PHC2: variants seen among roughly 807,000 people sequenced by gnomAD.
The protein encoded by PHC2 is polyhomeotic-like protein 2.
Under a neutral mutation model 87.4 loss-of-function variants are expected in PHC2, and 29 were observed. That is an observed-to-expected ratio of 0.33 (90% CI 0.25 to 0.45). The LOEUF is 0.45. PHC2 is among the 20% of genes least tolerant of loss of function. The pLI, the probability that PHC2 is intolerant of heterozygous loss-of-function variation, is 1.00. For missense variants in PHC2, 857 were observed against 1,136.7 expected (o/e 0.75, Z 3.54); for synonymous variants, 438 against 461.7 (o/e 0.95, Z 0.66).
chr1:33,364,370 ACACACACACACACTTGCTTT>A lies in PHC2; in HGVS notation c.976+2726_976+2745del, dbSNP rs955991560. Among the ~76,000 whole-genome samples the A allele has an allele frequency of 5.5e-5, 8 of 144,662 alleles. No individual in the cohort carries two copies. Among genetic ancestry groups the A allele is most frequent in the Admixed American group, 2.1e-4 (3 of 14,288 alleles). The allele number at this position is 144,662 out of a possible 152,430, so 94.9% of individuals were successfully genotyped here. A position where few individuals can be genotyped will look rare whatever the true frequency, so the allele number is the denominator to read the frequency against. ...CTTTCTCTCTCCCAGACACACACACACACACACACACACTTGCTTTCACACACACACACACACACACACAC... is the reference window on the plus strand; with the variant it reads ...CTTTCTCTCTCCCAGACACACACACACACACACACACACACACACACACAC... On this transcript the variant is annotated intron_variant, in intron 7 of 14. Transcript: ENST00000683057. This position sits in a 1 kb window ranked among gnomAD's most constrained non-coding sequence, Gnocchi z 4.1.
At chr1:33,335,577 A>C (rs948837100) in intron 9 of PHC2, among the ~76,000 whole-genome samples, 1 of 152,244 alleles carries the variant, frequency 6.6e-6, no homozygotes, top group African/African-American at 2.4e-5. Context: ...ATTATATAGT[A>C]TGGAAAAGTC....
Position 33,367,288 on chromosome 1 carries a change from G to T in PHC2, c.804C>A (p.Ser268Arg), listed in dbSNP as rs1456981308. 1.2e-6 allele frequency: 2 copies of T among 1,614,184 alleles called. No homozygotes were observed. The highest frequency in any genetic ancestry group is 1.1e-5 in the South Asian group (1 of 91,076). The change falls in exon 7 of 15, where the codon AGC (serine) becomes AGA (arginine). Residue 268 changes from serine (S) to arginine (R), a missense_variant. Transcript: ENST00000683057. ...CAGGGGAAGCCTGAGCAGTATTTCT[G>T]CTCTGTGCTGGGGTAGGCAGAGGCT... ...GSQPLPTPAQ[S>R]RNTAQASPAG...
chr1:33,430,289 C>T (rs886436816), intron 1 of PHC2, among the ~76,000 whole-genome samples: 2 of 152,234 alleles, frequency 1.3e-5, no homozygotes, highest in African/African-American at 4.8e-5. Context: ...AAGGGACCAG[C>T]GCCTTTCTAG....
At chr1:33,430,461 G>T (rs1650862933) in intron 1 of PHC2, among the ~76,000 whole-genome samples, 1 of 152,156 alleles carries the variant, frequency 6.6e-6, no homozygotes, top group Non-Finnish European at 1.5e-5. Flanking sequence ...CGCGGCTGGG[G>T]AGCGGGCGCC....
At chr1:33,367,526 A>G in intron 6 of PHC2, 98 bp from the exon 7 acceptor site, 5 of 941,226 alleles carry the variant, frequency 5.3e-6, no homozygotes, top group Middle Eastern at 2.6e-4. Context: ...GAATGGCTGA[A>G]TAGAACAGGA....
At position 33,354,893 on chromosome 1, in the gene PHC2, C is replaced by T. The variant is rs780516656; in HGVS notation, c.1337G>A (p.Arg446His). The change falls in exon 8 of 15, where the codon CGC becomes CAC. Residue 446 changes from arginine (R) to histidine (H), a missense_variant. This residue lies in a region of PHC2 where 832 missense variants were observed against 1,081.8 expected (regional missense o/e 0.77). Transcript: ENST00000683057. The stretch of plus-strand genomic sequence containing the variant: ...GACAGCTGAAGTGTGCTGGAACCTG[C>T]GTTGAGGGGTGTGGGGCACGCCCTC... ...HPEGVPHTPQ[R>H]RFQHTSAVIL... The T allele has an allele frequency of 8.7e-6, 14 of 1,614,062 alleles. No homozygotes were observed. The highest frequency in any genetic ancestry group is 1.6e-4 in the Middle Eastern group (1 of 6,082).
At chr1:33,351,007 T>C (rs1276271548) in intron 9 of PHC2, among the ~76,000 whole-genome samples, 1 of 152,204 alleles carries the variant, frequency 6.6e-6, no homozygotes, top group African/African-American at 2.4e-5. Context: ...TGCTCTTTCC[T>C]CAACTTTGCA....
chr1:33,329,696 G>A (rs1042162631), intron 13 of PHC2, among the ~76,000 whole-genome samples: 1 of 152,162 alleles, frequency 6.6e-6, no homozygotes, highest in Non-Finnish European at 1.5e-5. Flanking sequence ...GTTCAGGGAG[G>A]CAAAAAGGTG....
intron 9 of PHC2, among the ~76,000 whole-genome samples, chr1:33,341,982 A>G (rs575455612): frequency 1.3e-5 from 2 of 152,320 alleles, no homozygotes; most frequent in South Asian, 4.1e-4. Flanking sequence ...TCCCTGAGGA[A>G]CCTCTCTGAA....
At chr1:33,333,663 G>T (rs7513015) in intron 10 of PHC2, 125,286 of 177,120 alleles carry the variant, frequency 0.71, 45,319 homozygotes, top group African/African-American at 0.86. Context: ...ACACGTATCT[G>T]GAGAATTCTG....
intron 1 of PHC2, among the ~76,000 whole-genome samples, chr1:33,424,795 G>A (rs755519509): frequency 6.6e-6 from 1 of 152,170 alleles, no homozygotes; most frequent in Non-Finnish European, 1.5e-5. Flanking sequence ...CTTTAGTTCT[G>A]AGTAAGCAAG....
In PHC2 at chr1:33,369,301, C is replaced by T. The variant is rs1647679246; in HGVS notation, c.577-679G>A. On this transcript the variant is annotated intron_variant, in intron 5 of 14. Coordinates refer to ENST00000683057, the MANE Select transcript of PHC2 (RefSeq NM_001385109.1). The surrounding 1 kb of genome is among the most constrained non-coding windows in gnomAD (Gnocchi z 4.7). ...CTAGCTCTGCATCAGTGTGGATGTG[C>T]TGGTGCCTTGACAGGGTGCTTTCCC... Among the ~76,000 whole-genome samples, 1 of 152,218 alleles carries T rather than the reference C, an allele frequency of 6.6e-6. No individual in the cohort carries two copies. Among genetic ancestry groups the T allele is most frequent in the African/African-American group, 2.4e-5 (1 of 41,446 alleles).
intron 1 of PHC2, among the ~76,000 whole-genome samples, chr1:33,394,170 T>G (rs116745688): frequency 6.6e-6 from 1 of 152,162 alleles, no homozygotes; most frequent in Non-Finnish European, 1.5e-5. Context: ...AGGACACTGA[T>G]GAGTAACTTG....
chr1:33,387,934 T>G (rs952212077), intron 1 of PHC2, among the ~76,000 whole-genome samples: 2 of 152,268 alleles, frequency 1.3e-5, no homozygotes, highest in Non-Finnish European at 2.9e-5. Flanking sequence ...AATCACACTC[T>G]GAGTAATAAT....
intron 1 of PHC2, among the ~76,000 whole-genome samples, chr1:33,419,860 C>T (rs978767840): frequency 6.6e-6 from 1 of 152,078 alleles, no homozygotes; most frequent in Non-Finnish European, 1.5e-5. Context: ...CCACCCGCCT[C>T]GGCCTCCCAA....
intron 13 of PHC2, 54 bp downstream of exon 13, chr1:33,330,017 A>T: frequency 6.3e-7 from 1 of 1,596,486 alleles, no homozygotes; most frequent in Non-Finnish European, 8.5e-7. Context: ...GGGCCATGGA[A>T]GGGAAGCTGT....
At chr1:33,362,711 C>T (rs1457740603) in intron 7 of PHC2, among the ~76,000 whole-genome samples, 1 of 152,216 alleles carries the variant, frequency 6.6e-6, no homozygotes, top group African/African-American at 2.4e-5. Context: ...GGCTTAGGTG[C>T]TTCCCAGTGC....
chr1:33,326,150 CT>C (rs1234561021), intron 14 of PHC2: 1 of 262,240 alleles, frequency 3.8e-6, no homozygotes, highest in Non-Finnish European at 7.8e-6. Flanking sequence ...CTTCTTACTG[CT>C]GCTCACAGTA....
rs182628645 is a variant in PHC2, at chr1:33,345,560, T to A, written c.1558+8841A>T. The A allele has an allele frequency of 2.5e-3, 2,487 of 985,292 alleles. 5 individuals carry two copies. The highest frequency in any genetic ancestry group is 0.019 in the Middle Eastern group (36 of 1,914). 61.0% of individuals were successfully genotyped at this position (985,292 alleles called of 1,614,324 possible). A position where few individuals can be genotyped will look rare whatever the true frequency, so the allele number is the denominator to read the frequency against. On this transcript the variant is annotated intron_variant, in intron 9 of 14. Transcript: ENST00000683057. ...CTGGTCTACATGGTCTTACAATGAA[T>A]CTCAGAGCAACGGTTTATGACTTAA...
Sources: allele counts gnomAD v4.1 joint callset (sites outside exome capture counted in the v4.1 genomes callset), GRCh38; gene constraint gnomAD v4.1.1; regional missense constraint gnomAD v4.1.1; non-coding constraint Gnocchi (gnomAD v3.1); transcripts MANE v1.5; gene names NCBI Gene and HGNC (gene_info 2026-07-23, HGNC 2026-07-21).